Variants in SNX29 observed in about 807,000 individuals in gnomAD.
SNX29 encodes sorting nexin 29, also known as sorting nexin-29.
SNX29 carries 78 observed loss-of-function variants against 102.1 expected under a neutral mutation model. The ratio of observed to expected loss-of-function variants is 0.76; its 90% CI spans 0.64 to 0.92. The LOEUF (loss-of-function observed/expected upper bound fraction) is 0.92, where lower values mean the gene tolerates loss of function less well. SNX29 is among the 40% of genes least tolerant of loss of function. SNX29 has a pLI of 0.00. For synonymous variants in SNX29, 580 were observed against 414.5 expected (o/e 1.40, Z -4.85); for missense variants, 1,280 against 1,061.7 (o/e 1.21, Z -2.86).
chr16:12,134,524 G>C (rs776934908), intron 13 of SNX29, among the ~76,000 whole-genome samples: 5 of 152,330 alleles, frequency 3.3e-5, no homozygotes, highest in Non-Finnish European at 5.9e-5. Context: ...GCCTCTCCGT[G>C]GGGCTGCTCC....
intron 14 of SNX29, among the ~76,000 whole-genome samples, chr16:12,226,549 A>T (rs904041063): frequency 6.7e-6 from 1 of 148,424 alleles, no homozygotes; most frequent in Non-Finnish European, 1.5e-5. Context: ...TTTCCAGGGG[A>T]GCTGAAGGGC....
intron 18 of SNX29, among the ~76,000 whole-genome samples, chr16:12,475,637 T>G (rs1418557536): frequency 6.6e-6 from 1 of 152,214 alleles, no homozygotes; most frequent in African/African-American, 2.4e-5. Flanking sequence ...CATTCACCTA[T>G]AGTTAGGCAC....
intron 7 of SNX29, among the ~76,000 whole-genome samples, chr16:12,050,101 A>G (rs1057115678): frequency 6.6e-6 from 1 of 152,218 alleles, no homozygotes; most frequent in Non-Finnish European, 1.5e-5. Context: ...CGAACCTTGT[A>G]GAAGATAGGG....
chr16:12,560,701 CTG>C lies in SNX29; in HGVS notation c.2319-7804_2319-7803del, dbSNP rs922263416. On this transcript the variant is annotated intron_variant, in intron 20 of 20. Coordinates refer to ENST00000566228, the MANE Select transcript of SNX29 (RefSeq NM_032167.5). ...ATGCATTTATATCTAGTCATCGACT[CTG>C]GGCTCAGAGTGCACACATTCAACAT... is the stretch of plus-strand genomic sequence containing the variant. 22 of 161,822 alleles carry C rather than the reference CTG, an allele frequency of 1.4e-4. No individual in the cohort carries two copies. The South Asian group carries it at 2.5e-3, about 18-fold the overall frequency. The allele number at this position is 161,822 out of a possible 1,614,324, so 10.0% of individuals were successfully genotyped here.
chr16:12,264,126 C>T (rs2078857235), intron 14 of SNX29, among the ~76,000 whole-genome samples: 1 of 152,196 alleles, frequency 6.6e-6, no homozygotes, highest in Non-Finnish European at 1.5e-5. Context: ...CAGCTGAGCC[C>T]CTTGCAGAAA....
At chr16:12,024,135 CTT>C (rs561104149) in intron 3 of SNX29, among the ~76,000 whole-genome samples, 10 of 141,444 alleles carry the variant, frequency 7.1e-5, no homozygotes, top group Non-Finnish European at 6.2e-5. Context: ...TGAGCTAAGT[CTT>C]TTTTTTTTTT....
intron 18 of SNX29, among the ~76,000 whole-genome samples, chr16:12,409,371 G>C (rs1057173598): frequency 6.7e-6 from 1 of 149,238 alleles, no homozygotes; most frequent in Non-Finnish European, 1.5e-5. Context: ...GCAGATGTTT[G>C]ATCTTATTCC....
chr16:12,319,949 G>A (rs1228853346), intron 15 of SNX29, among the ~76,000 whole-genome samples: 1 of 152,138 alleles, frequency 6.6e-6, no homozygotes, highest in Non-Finnish European at 1.5e-5. Flanking sequence ...GAAGAAACCC[G>A]AGTAGGTTGT....
intron 14 of SNX29, among the ~76,000 whole-genome samples, chr16:12,275,102 G>A (rs1044833635): frequency 6.6e-6 from 1 of 152,182 alleles, no homozygotes; most frequent in South Asian, 2.1e-4. Context: ...TCAGGTGTTG[G>A]AATGGGGTTA....
Position 12,542,308 on chromosome 16 carries a change from T to TA in SNX29, c.2318+17469dup, listed in dbSNP as rs528365558. Among the ~76,000 whole-genome samples, 17 of 152,270 alleles carry TA rather than the reference T, an allele frequency of 1.1e-4. No individual in the cohort carries two copies. The South Asian group carries it at 3.5e-3, about 32-fold the overall frequency. On this transcript the variant is annotated intron_variant, in intron 20 of 20. Coordinates refer to ENST00000566228, the MANE Select transcript of SNX29 (RefSeq NM_032167.5). ...GGAACTTGCCCAAGATCACAGCTAGTAAGTTTTAGAGCTGCTGTTAGAGCA... is the reference window on the plus strand; with the variant it reads ...GGAACTTGCCCAAGATCACAGCTAGTAAAGTTTTAGAGCTGCTGTTAGAGCA...
chr16:12,348,715 C>T (rs927967023), intron 15 of SNX29, among the ~76,000 whole-genome samples: 1 of 152,190 alleles, frequency 6.6e-6, no homozygotes, highest in African/African-American at 2.4e-5. Context: ...AGTGTGGCCA[C>T]AAACACAGGC....
chr16:12,559,815 C>A (rs569974293), intron 20 of SNX29, among the ~76,000 whole-genome samples: 8 of 152,268 alleles, frequency 5.3e-5, no homozygotes, highest in African/African-American at 1.9e-4. Flanking sequence ...CAGGCCATTT[C>A]CATCATCATC....
rs149564708 is a variant in SNX29, at chr16:12,062,327, C to T, written c.1243+681C>T. On this transcript the variant is annotated intron_variant, in intron 9 of 20. Transcript: ENST00000566228. ...CCGGGAGGTGGAGGTTGCAGTGAGC[C>T]GATATCGTGGCACTGTACACCACCC... Among the ~76,000 whole-genome samples, 63 of 151,300 alleles carry T rather than the reference C, an allele frequency of 4.2e-4. No individual in the cohort carries two copies. In the East Asian group the frequency reaches 8.1e-3, roughly 20 times the overall value.
chr16:12,540,132 CAA>C (rs1263735948), intron 20 of SNX29, among the ~76,000 whole-genome samples: 3 of 152,136 alleles, frequency 2.0e-5, no homozygotes, highest in African/African-American at 4.8e-5. Flanking sequence ...AGGTTTTCCT[CAA>C]AGTTTTATAG....
At chr16:12,140,472 A>C (rs1262488674) in intron 13 of SNX29, among the ~76,000 whole-genome samples, 2 of 152,206 alleles carry the variant, frequency 1.3e-5, no homozygotes, top group African/African-American at 4.8e-5. Context: ...AGCAGGAACA[A>C]GGATGGAGGA....
chr16:12,002,420 T>C (rs2056319672), intron 2 of SNX29, among the ~76,000 whole-genome samples: 1 of 142,914 alleles, frequency 7.0e-6, no homozygotes, highest in South Asian at 2.2e-4. Context: ...CACTCCAGCC[T>C]GGGCAACAAG....
chr16:12,495,635 A>T (rs2088783644), intron 19 of SNX29, among the ~76,000 whole-genome samples: 1 of 152,260 alleles, frequency 6.6e-6, no homozygotes, highest in Non-Finnish European at 1.5e-5. Flanking sequence ...GAGCCATTGA[A>T]GGATTTTAAA....
At chr16:12,423,610 G>A (rs1051648818) in intron 18 of SNX29, among the ~76,000 whole-genome samples, 7 of 151,930 alleles carry the variant, frequency 4.6e-5, no homozygotes, top group South Asian at 2.1e-4. Flanking sequence ...TGGCTCTGTC[G>A]CCCAGGCTGG....
intron 19 of SNX29, among the ~76,000 whole-genome samples, chr16:12,504,501 G>T (rs891389111): frequency 3.3e-5 from 5 of 152,172 alleles, no homozygotes; most frequent in Admixed American, 2.6e-4. Flanking sequence ...ATCATGCACT[G>T]TGAACTCTTG....
Sources: gnomAD v4.1 joint callset for allele counts (sites outside exome capture counted in the v4.1 genomes callset) on GRCh38, gnomAD v4.1.1 for gene constraint, MANE v1.5 for transcripts, NCBI Gene and HGNC (gene_info 2026-07-23, HGNC 2026-07-21) for gene names.